Variants in PSMD14 observed in about 807,000 individuals in gnomAD.
PSMD14 encodes the protein ubiquitin C-terminal hydrolase PSMD14.
Under a neutral mutation model 41.2 loss-of-function variants are expected in PSMD14, and 7 were observed. That is an observed-to-expected ratio of 0.17 (90% confidence interval 0.10 to 0.32). PSMD14 has a LOEUF of 0.32. Among genes scored for constraint, PSMD14 ranks in the 10% least tolerant of loss-of-function variants. The pLI is 1.00. For synonymous variants in PSMD14, 114 were observed against 122.3 expected (o/e 0.93, Z 0.45); for missense variants, 139 against 375.6 (o/e 0.37, Z 5.21).
chr2:161,407,613 G>A lies in PSMD14; in HGVS notation c.772-1224G>A, dbSNP rs1432135149. ...GTGTGAAATGCAGCCAAACTTCCCA[G>A]TTTATGGGGAATGTCTGATGATTAC... is the stretch of plus-strand genomic sequence containing the variant. On this transcript the variant is annotated intron_variant, in intron 10 of 11. Transcript: ENST00000409682. 2.6e-5 allele frequency: 4 copies of A among 152,046 alleles called. No homozygotes were observed. The East Asian group carries it at 7.7e-4, about 29-fold the overall frequency. 9.4% of individuals were successfully genotyped at this position (152,046 alleles called of 1,614,324 possible). A position where few individuals can be genotyped will look rare whatever the true frequency, so the allele number is the denominator to read the frequency against.
chr2:161,389,513 G>A (rs2194728), intron 8 of PSMD14, among the ~76,000 whole-genome samples: 138,944 of 152,212 alleles, frequency 0.91, 63,464 homozygotes, highest in East Asian at 1. Flanking sequence ...ATTGAAATGA[G>A]TAAGGATTTA....
chr2:161,363,609 A>C (rs1459216818), intron 3 of PSMD14, among the ~76,000 whole-genome samples: 2 of 152,170 alleles, frequency 1.3e-5, no homozygotes, highest in African/African-American at 4.8e-5. Flanking sequence ...GCCCCCCAGG[A>C]GTGTTTGCCA....
chr2:161,356,055 T>G (rs1433118273), intron 3 of PSMD14, among the ~76,000 whole-genome samples: 4 of 152,184 alleles, frequency 2.6e-5, no homozygotes, highest in Non-Finnish European at 4.4e-5. Context: ...GATTTTTTTT[T>G]GGAACATTTT....
At chr2:161,330,448 C>G (rs530441880) in intron 3 of PSMD14, among the ~76,000 whole-genome samples, 55 of 152,308 alleles carry the variant, frequency 3.6e-4, no homozygotes, top group African/African-American at 1.3e-3. Flanking sequence ...TTGTTTTACA[C>G]ATTTGATTTA....
chr2:161,383,229 T>A (rs572994590), intron 7 of PSMD14: 2 of 152,092 alleles, frequency 1.3e-5, no homozygotes, highest in Non-Finnish European at 3.0e-5. Context: ...TATTGCCATG[T>A]TTATATTTTA....
At chr2:161,321,062 G>A (rs1682573232) in intron 3 of PSMD14, among the ~76,000 whole-genome samples, 1 of 152,156 alleles carries the variant, frequency 6.6e-6, no homozygotes, top group African/African-American at 2.4e-5. Context: ...AAGATCTTTG[G>A]ATTGATAATA....
chr2:161,408,539 A>T, intron 10 of PSMD14: 1 of 330,212 alleles, frequency 3.0e-6, no homozygotes, highest in Non-Finnish European at 5.8e-6. Context: ...TCCATCTCCC[A>T]TCTCCTGAAG....
At chr2:161,327,970 G>GTGTGTGTC (rs1441178685) in intron 3 of PSMD14, among the ~76,000 whole-genome samples, 4 of 149,928 alleles carry the variant, frequency 2.7e-5, no homozygotes, top group Admixed American at 2.7e-4. Flanking sequence ...GTGTGTGTGT[G>GTGTGTGTC]TGTGTGTGTG....
chr2:161,368,013 A>G, intron 5 of PSMD14, 110 bp downstream of exon 5: 1 of 1,249,760 alleles, frequency 8.0e-7, no homozygotes, highest in Non-Finnish European at 1.1e-6. Context: ...CAGTAGGAAA[A>G]ATTAATCATA....
intron 7 of PSMD14, chr2:161,383,542 AAAT>A (rs1054534389): frequency 2.6e-5 from 4 of 151,586 alleles, no homozygotes; most frequent in Admixed American, 2.6e-4. Flanking sequence ...TATTTCAGAG[AAAT>A]AATATAGACT....
intron 3 of PSMD14, among the ~76,000 whole-genome samples, chr2:161,332,859 G>T (rs780836131): frequency 6.6e-6 from 1 of 152,178 alleles, no homozygotes; most frequent in Non-Finnish European, 1.5e-5. Context: ...TTTGGTTGGG[G>T]ATCTGACTGG....
chr2:161,410,329 A>G (rs1462014285), intron 11 of PSMD14, among the ~76,000 whole-genome samples: 1 of 152,058 alleles, frequency 6.6e-6, no homozygotes, highest in African/African-American at 2.4e-5. Context: ...AAAATAGTGT[A>G]TTAAAATAAG....
chr2:161,350,970 A>G (rs988484480), intron 3 of PSMD14, among the ~76,000 whole-genome samples: 2 of 152,146 alleles, frequency 1.3e-5, no homozygotes, highest in African/African-American at 4.8e-5. Context: ...CAGCCTTCCT[A>G]TAATCCTGTC....
At position 161,385,535 on chromosome 2, in the gene PSMD14, T is replaced by G; in HGVS notation, c.534T>G (p.Thr178=). Reference sequence around the variant, plus strand: ...TAGGACATGAACCAAGACAAACAACTTCGAATCTGGGTCACTTAAACAAGC... The same window carrying G: ...TAGGACATGAACCAAGACAAACAACGTCGAATCTGGGTCACTTAAACAAGC... ...MVLGHEPRQT[T]SNLGHLNKPS... Residue 178 remains threonine, a synonymous_variant, in exon 8 of 12, where the codon ACT becomes ACG. Transcript: ENST00000409682. 6.2e-7 allele frequency: 1 copy of G among 1,608,600 alleles called. No homozygotes were observed.
chr2:161,407,703 A>G (rs953675021), intron 10 of PSMD14: 14 of 152,202 alleles, frequency 9.2e-5, no homozygotes, highest in African/African-American at 3.4e-4. Flanking sequence ...TAAAGTTCAG[A>G]GTATCCAAAT....
chr2:161,389,830 T>C (rs1020618421), intron 8 of PSMD14, among the ~76,000 whole-genome samples: 1 of 150,274 alleles, frequency 6.7e-6, no homozygotes, highest in Non-Finnish European at 1.5e-5. Flanking sequence ...ATCTAGCCTT[T>C]TACTAGCTAG....
intron 3 of PSMD14, chr2:161,340,966 C>G: frequency 6.2e-7 from 1 of 1,613,186 alleles, no homozygotes; most frequent in South Asian, 1.1e-5. Flanking sequence ...TTCTCACCAT[C>G]CAAGTCCTGC....
intron 3 of PSMD14, among the ~76,000 whole-genome samples, chr2:161,346,525 A>G (rs746453493): frequency 2.5e-4 from 38 of 149,312 alleles, no homozygotes; most frequent in Admixed American, 5.4e-4. Context: ...GCTGCTTTGT[A>G]TGTCTGATAG....
chr2:161,373,186 AT>A (rs769036095), intron 7 of PSMD14, among the ~76,000 whole-genome samples: 66 of 151,896 alleles, frequency 4.3e-4, no homozygotes, highest in Non-Finnish European at 8.8e-4. Flanking sequence ...TCATTTAAAA[AT>A]ATGTATGTGT....
Sources: gnomAD v4.1 joint callset for allele counts (sites outside exome capture counted in the v4.1 genomes callset) on GRCh38, gnomAD v4.1.1 for gene constraint, MANE v1.5 for transcripts, NCBI Gene and HGNC (gene_info 2026-07-23, HGNC 2026-07-21) for gene names.